Variants in MAGI2 observed in about 807,000 individuals in gnomAD.
MAGI2 encodes the protein membrane-associated guanylate kinase, WW and PDZ domain-containing protein 2.
In MAGI2, 35 loss-of-function variants were observed where a neutral mutation model predicts 133.3. The observed-to-expected ratio is 0.26, with a 90% CI of 0.20 to 0.35. The LOEUF (loss-of-function observed/expected upper bound fraction) is 0.35, where lower values mean the gene tolerates loss of function less well. Among genes scored for constraint, MAGI2 ranks in the 10% least tolerant of loss-of-function variants. The probability of loss-of-function intolerance (pLI) is 1.00; values close to 1 mark genes in which losing one functional copy is unlikely to be tolerated. For missense variants in MAGI2, 1,636 were observed against 1,863.4 expected (o/e 0.88, Z 2.25); for synonymous variants, 729 against 710.6 (o/e 1.03, Z -0.41).
At chr7:79,281,571 C>CA (rs1216433005) in intron 1 of MAGI2, among the ~76,000 whole-genome samples, 10 of 151,592 alleles carry the variant, frequency 6.6e-5, no homozygotes, top group Non-Finnish European at 8.8e-5. Flanking sequence ...TGCAATACTA[C>CA]AAAAAAAATA....
chr7:79,064,045 T>C (rs1814057542), intron 1 of MAGI2, among the ~76,000 whole-genome samples: 1 of 152,074 alleles, frequency 6.6e-6, no homozygotes, highest in African/African-American at 2.4e-5. Context: ...AATGCCAGTG[T>C]TGATACTTTT....
rs1234080541 is a variant in MAGI2, at chr7:78,256,570, CAA to C, written c.1418_1419del (p.Ile473SerfsTer4). The C allele has an allele frequency of 6.2e-7, 1 of 1,611,964 alleles. No homozygotes were observed. ...QDGKMETGDV[I>X]VYINEVCVLG... ...AGGACACAAACTTCATTAATATAGA[CAA>C]TGACATCACCTGTAAGAAAAAAAGA... On this transcript the variant is annotated frameshift_variant, in exon 10 of 22. Transcript: ENST00000354212. LOFTEE classifies it high-confidence loss of function.
intron 2 of MAGI2, among the ~76,000 whole-genome samples, chr7:78,628,666 A>G (rs548703211): frequency 7.7e-4 from 117 of 151,594 alleles, no homozygotes; most frequent in African/African-American, 2.8e-3. Context: ...TTTTTTCCAT[A>G]ATCATGTTTA....
At chr7:78,376,302 T>C (rs1794443812) in intron 6 of MAGI2, among the ~76,000 whole-genome samples, 1 of 152,170 alleles carries the variant, frequency 6.6e-6, no homozygotes, top group Non-Finnish European at 1.5e-5. Flanking sequence ...CTCTCTTTCA[T>C]CTTTCTCAGA....
At chr7:78,450,514 G>A (rs747659915) in intron 6 of MAGI2, among the ~76,000 whole-genome samples, 1 of 152,182 alleles carries the variant, frequency 6.6e-6, no homozygotes, top group Admixed American at 6.6e-5. Context: ...CAAAGCACAC[G>A]CCTCATTGTG....
chr7:78,255,809 C>T (rs1792905942), intron 10 of MAGI2, 134 bp downstream of exon 10: 5 of 916,166 alleles, frequency 5.5e-6, no homozygotes, highest in Non-Finnish European at 8.3e-6. Flanking sequence ...ATGTTTTTCT[C>T]TCTCACTCTT....
chr7:79,037,203 A>T (rs1011308342), intron 1 of MAGI2, among the ~76,000 whole-genome samples: 1 of 152,222 alleles, frequency 6.6e-6, no homozygotes, highest in East Asian at 1.9e-4. Flanking sequence ...ACAAGATGTT[A>T]ACAGCTATTA....
At chr7:79,302,825 T>C (rs1406152) in intron 1 of MAGI2, among the ~76,000 whole-genome samples, 57,376 of 151,910 alleles carry the variant, frequency 0.38, 12,022 homozygotes, top group African/African-American at 0.54. Flanking sequence ...CTTTTGGGTG[T>C]CCCAACATCA....
chr7:79,112,120 T>C (rs920988812), intron 1 of MAGI2, among the ~76,000 whole-genome samples: 1 of 151,982 alleles, frequency 6.6e-6, no homozygotes. Flanking sequence ...TTGTAGTAAC[T>C]ATCATTCTAT....
At chr7:79,023,214 A>G (rs2116713840) in intron 1 of MAGI2, among the ~76,000 whole-genome samples, 1 of 152,334 alleles carries the variant, frequency 6.6e-6, no homozygotes, top group South Asian at 2.1e-4. Context: ...CATCACATAA[A>G]CAGAACTAAA....
At chr7:78,723,125 C>T (rs12537842) in intron 2 of MAGI2, among the ~76,000 whole-genome samples, 8,272 of 152,050 alleles carry the variant, frequency 0.054, 274 homozygotes, top group Non-Finnish European at 0.069. Flanking sequence ...TACTTAGAAA[C>T]GCATGATTAA....
chr7:78,393,264 A>T (rs881446), intron 6 of MAGI2, among the ~76,000 whole-genome samples: 5 of 152,032 alleles, frequency 3.3e-5, no homozygotes, highest in African/African-American at 7.2e-5. Flanking sequence ...CCTGTGGCCT[A>T]GGTTTGGGCA....
At chr7:79,235,303 G>A (rs906076350) in intron 1 of MAGI2, among the ~76,000 whole-genome samples, 1 of 152,206 alleles carries the variant, frequency 6.6e-6, no homozygotes, top group African/African-American at 2.4e-5. Context: ...AGGCCTCCTT[G>A]AGCTGTGGTG....
chr7:78,362,735 C>T (rs1023513001), intron 7 of MAGI2, among the ~76,000 whole-genome samples: 1 of 152,160 alleles, frequency 6.6e-6, no homozygotes, highest in African/African-American at 2.4e-5. Flanking sequence ...TATCCATGCT[C>T]CTTTTGTTCA....
At chr7:78,220,560 T>C (rs763854633) in intron 10 of MAGI2, among the ~76,000 whole-genome samples, 5 of 152,002 alleles carry the variant, frequency 3.3e-5, no homozygotes, top group Admixed American at 6.5e-5. Context: ...GGGAATTCTG[T>C]AGTTTGATAC....
At chr7:78,959,126 G>C (rs1273086074) in intron 2 of MAGI2, among the ~76,000 whole-genome samples, 1 of 151,938 alleles carries the variant, frequency 6.6e-6, no homozygotes, top group African/African-American at 2.4e-5. Context: ...TCTTTGAATT[G>C]ATGGAATTGC....
chr7:78,931,307 C>T (rs958874966), intron 2 of MAGI2, among the ~76,000 whole-genome samples: 2 of 151,900 alleles, frequency 1.3e-5, no homozygotes, highest in Non-Finnish European at 2.9e-5. Context: ...GATATGTAGT[C>T]GACATTACCA....
intron 1 of MAGI2, among the ~76,000 whole-genome samples, chr7:79,067,930 C>G (rs933663588): frequency 6.6e-6 from 1 of 152,062 alleles, no homozygotes; most frequent in Non-Finnish European, 1.5e-5. Context: ...TATTTTGAAC[C>G]AGGCTTGCAT....
chr7:78,967,689 A>G (rs1803447892), intron 2 of MAGI2, among the ~76,000 whole-genome samples: 1 of 151,934 alleles, frequency 6.6e-6, no homozygotes, highest in African/African-American at 2.4e-5. Context: ...TTCCAAAATG[A>G]CTTGTTAAAC....
Sources: allele counts gnomAD v4.1 joint callset (sites outside exome capture counted in the v4.1 genomes callset), GRCh38; gene constraint gnomAD v4.1.1; transcripts MANE v1.5; gene names NCBI Gene and HGNC (gene_info 2026-07-23, HGNC 2026-07-21).